RBFOX1: variants seen among roughly 807,000 people sequenced by gnomAD.
The protein encoded by RBFOX1 is RNA binding fox-1 homolog 1.
In RBFOX1, 8 loss-of-function variants were observed where a neutral mutation model predicts 57.7. The observed-to-expected ratio is 0.14, with a 90% CI of 0.08 to 0.25. RBFOX1 has a LOEUF of 0.25. RBFOX1 is among the 10% of genes least tolerant of loss of function. The probability of loss-of-function intolerance (pLI) is 1.00; values close to 1 mark genes in which losing one functional copy is unlikely to be tolerated. For missense variants in RBFOX1, 611 were observed against 548.5 expected, an observed-to-expected ratio of 1.11 and a Z score of -1.14; for synonymous variants, 326 against 222.4, an observed-to-expected ratio of 1.47 and a Z score of -4.15.
intron 2 of RBFOX1, among the ~76,000 whole-genome samples, chr16:5,517,978 G>C (rs570642490): frequency 2.5e-4 from 37 of 150,232 alleles, no homozygotes; most frequent in African/African-American, 9.0e-4. Flanking sequence ...GCTTTTATTG[G>C]GAAAAGTTTC....
chr16:6,087,922 A>T (rs1320008167), intron 1 of RBFOX1, among the ~76,000 whole-genome samples: 1 of 152,092 alleles, frequency 6.6e-6, no homozygotes, highest in Non-Finnish European at 1.5e-5. Flanking sequence ...AAATGCTGGG[A>T]TTACAGGCGT....
intron 3 of RBFOX1, among the ~76,000 whole-genome samples, chr16:5,754,441 G>A (rs2053326884): frequency 2.0e-5 from 3 of 151,402 alleles, no homozygotes; most frequent in Non-Finnish European, 4.4e-5. Flanking sequence ...AAGGTGGGAC[G>A]AGAGATTTGG....
At chr16:6,563,066 G>A (rs1211664741) in intron 2 of RBFOX1, among the ~76,000 whole-genome samples, 1 of 151,618 alleles carries the variant, frequency 6.6e-6, no homozygotes, top group African/African-American at 2.4e-5. Context: ...AGGGGCAGGG[G>A]GCCATGGAGT....
At chr16:6,212,279 T>G (rs1252766626) in intron 1 of RBFOX1, among the ~76,000 whole-genome samples, 3 of 152,226 alleles carry the variant, frequency 2.0e-5, no homozygotes, top group Non-Finnish European at 4.4e-5. Flanking sequence ...ATTACTTTTA[T>G]GTAAAAGAAT....
chr16:6,710,730 A>G (rs949528587), intron 3 of RBFOX1, among the ~76,000 whole-genome samples: 1 of 152,260 alleles, frequency 6.6e-6, no homozygotes, highest in Non-Finnish European at 1.5e-5. Context: ...CGGGTGGCCC[A>G]TTAGATGGCA....
intron 2 of RBFOX1, among the ~76,000 whole-genome samples, chr16:5,578,557 C>T (rs576294501): frequency 2.0e-4 from 31 of 152,270 alleles, no homozygotes; most frequent in African/African-American, 6.7e-4. Context: ...ACTGGGAGAT[C>T]AGGTACTTCC....
chr16:6,974,638 C>G (rs1268028946), intron 3 of RBFOX1, among the ~76,000 whole-genome samples: 1 of 152,046 alleles, frequency 6.6e-6, no homozygotes, highest in Non-Finnish European at 1.5e-5. Context: ...AGTCACTGCA[C>G]CTGGCCCATA....
At position 7,412,762 on chromosome 16, in the gene RBFOX1, A is replaced by C. The variant is rs528210097; in HGVS notation, c.28-105385A>C. On this transcript the variant is annotated intron_variant, in intron 4 of 15. Coordinates refer to ENST00000550418, the MANE Select transcript of RBFOX1 (RefSeq NM_018723.4). ...AGGCTGATTTAATCATGGAATTACG[A>C]CTGGGCATGGTGGCTCACGCCTGTG... 2.0e-5 allele frequency among the ~76,000 whole-genome samples: 3 copies of C among 152,214 alleles called. No homozygotes were observed. The South Asian group carries it at 6.2e-4, about 32-fold the overall frequency.
intron 5 of RBFOX1, among the ~76,000 whole-genome samples, chr16:7,519,312 A>C (rs887444749): frequency 6.6e-6 from 1 of 152,146 alleles, no homozygotes; most frequent in East Asian, 1.9e-4. Context: ...CTTCATTTTT[A>C]TTGCTGGACC....
chr16:6,118,826 C>G lies in RBFOX1; in HGVS notation c.-127+98834C>G, dbSNP rs577363814. On this transcript the variant is annotated intron_variant, in intron 1 of 15. Coordinates refer to ENST00000550418, the MANE Select transcript of RBFOX1 (RefSeq NM_018723.4). ...CCTTCCTTCCTTCCTTCCCTCCTTC[C>G]TCTTTCTCTCTTTCCCCATCTTCTT... 2.0e-5 allele frequency among the ~76,000 whole-genome samples: 3 copies of G among 150,782 alleles called. No homozygotes were observed. In the East Asian group the frequency reaches 5.8e-4, roughly 29 times the overall value.
At chr16:7,505,162 C>A (rs888094388) in intron 4 of RBFOX1, among the ~76,000 whole-genome samples, 1 of 148,634 alleles carries the variant, frequency 6.7e-6, no homozygotes, top group Non-Finnish European at 1.5e-5. Flanking sequence ...ATTTTGAATG[C>A]TTTTGTACAT....
intron 2 of RBFOX1, among the ~76,000 whole-genome samples, chr16:6,642,746 C>T (rs1041101047): frequency 3.3e-5 from 5 of 152,082 alleles, no homozygotes; most frequent in African/African-American, 1.2e-4. Flanking sequence ...TGTAGTTGTT[C>T]TGGCTTTACA....
intron 4 of RBFOX1, among the ~76,000 whole-genome samples, chr16:7,377,881 G>C (rs769225618): frequency 6.6e-5 from 10 of 152,190 alleles, no homozygotes; most frequent in Non-Finnish European, 1.2e-4. Flanking sequence ...GCAAATAGGA[G>C]ATTGATGCTC....
chr16:6,748,943 C>G (rs1263655268), intron 3 of RBFOX1: 2 of 152,130 alleles, frequency 1.3e-5, no homozygotes, highest in South Asian at 2.1e-4. Context: ...GTCTAGCAAC[C>G]TTTCTGGTTT....
intron 3 of RBFOX1, among the ~76,000 whole-genome samples, chr16:5,726,439 G>A (rs575570752): frequency 7.9e-5 from 12 of 152,232 alleles, no homozygotes; most frequent in Admixed American, 3.3e-4. Context: ...CATTGCCAAG[G>A]TCGCCACCAG....
At chr16:6,376,884 G>A (rs1459460113) in intron 2 of RBFOX1, among the ~76,000 whole-genome samples, 1 of 152,100 alleles carries the variant, frequency 6.6e-6, no homozygotes, top group African/African-American at 2.4e-5. Context: ...GCGGCCCTCA[G>A]CTTCGAGATG....
chr16:7,539,728 A>C (rs188563649), intron 5 of RBFOX1, among the ~76,000 whole-genome samples: 7 of 152,336 alleles, frequency 4.6e-5, no homozygotes, highest in Non-Finnish European at 7.3e-5. Flanking sequence ...GACCAAGTGC[A>C]TGATAGCACT....
chr16:6,974,622 G>C (rs2086388255), intron 3 of RBFOX1, among the ~76,000 whole-genome samples: 1 of 152,054 alleles, frequency 6.6e-6, no homozygotes, highest in Non-Finnish European at 1.5e-5. Context: ...TGGGATTACA[G>C]GCGTGAGTCA....
chr16:7,355,996 T>C (rs1416675040), intron 4 of RBFOX1, among the ~76,000 whole-genome samples: 1 of 152,214 alleles, frequency 6.6e-6, no homozygotes, highest in Admixed American at 6.5e-5. Flanking sequence ...ATACGGCCCA[T>C]GCACTGTGCT....
Sources: gnomAD v4.1 joint callset for allele counts (sites outside exome capture counted in the v4.1 genomes callset) on GRCh38, gnomAD v4.1.1 for gene constraint, MANE v1.5 for transcripts, NCBI Gene and HGNC (gene_info 2026-07-23, HGNC 2026-07-21) for gene names.